ERBB4: variants seen among roughly 807,000 people sequenced by gnomAD.
ERBB4 encodes the protein receptor tyrosine-protein kinase erbB-4.
In ERBB4, 42 loss-of-function variants were observed where a neutral mutation model predicts 158.0. The observed-to-expected ratio is 0.27, with a 90% CI of 0.21 to 0.34. The LOEUF is 0.34. Among genes scored for constraint, ERBB4 ranks in the 10% least tolerant of loss-of-function variants. ERBB4 has a pLI of 1.00. For missense variants in ERBB4, 1,333 were observed against 1,624.1 expected (o/e 0.82, Z 3.08); for synonymous variants, 583 against 558.7 (o/e 1.04, Z -0.61).
intron 1 of ERBB4, among the ~76,000 whole-genome samples, chr2:212,198,437 C>A (rs1382286046): frequency 6.6e-6 from 1 of 152,142 alleles, no homozygotes. Context: ...CTAGACTATT[C>A]CAGGTAACCT....
intron 8 of ERBB4, among the ~76,000 whole-genome samples, chr2:211,713,274 A>G (rs2073772140): frequency 6.6e-6 from 1 of 152,206 alleles, no homozygotes; most frequent in Admixed American, 6.5e-5. Flanking sequence ...ACAGAGTAAC[A>G]GGCAACTTTA....
chr2:211,557,462 C>T (rs551847915), intron 20 of ERBB4, among the ~76,000 whole-genome samples: 1 of 152,046 alleles, frequency 6.6e-6, no homozygotes, highest in East Asian at 1.9e-4. Flanking sequence ...AGGACATGAA[C>T]AGACACTTTT....
intron 2 of ERBB4, among the ~76,000 whole-genome samples, chr2:212,075,495 A>G (rs1370064282): frequency 6.6e-6 from 1 of 151,954 alleles, no homozygotes; most frequent in East Asian, 1.9e-4. Context: ...ACTGCATATT[A>G]GCCTTCATCT....
intron 4 of ERBB4, among the ~76,000 whole-genome samples, chr2:211,767,435 A>G (rs1394297573): frequency 1.3e-5 from 2 of 152,196 alleles, no homozygotes; most frequent in Non-Finnish European, 2.9e-5. Flanking sequence ...GGTGCTTATT[A>G]TTTGACTCAA....
intron 2 of ERBB4, among the ~76,000 whole-genome samples, chr2:211,981,028 T>C (rs966101776): frequency 7.0e-6 from 1 of 143,078 alleles, no homozygotes; most frequent in African/African-American, 2.4e-5. Flanking sequence ...CAATGCTTTC[T>C]TAAAGAATGT....
chr2:212,462,146 GAC>G (rs1688609538), intron 1 of ERBB4, among the ~76,000 whole-genome samples: 1 of 150,880 alleles, frequency 6.6e-6, no homozygotes, highest in African/African-American at 2.4e-5. Context: ...CCAAAACAAT[GAC>G]ACTACTAGAA....
At chr2:212,462,501 A>G (rs925111830) in intron 1 of ERBB4, among the ~76,000 whole-genome samples, 1 of 152,210 alleles carries the variant, frequency 6.6e-6, no homozygotes, top group Non-Finnish European at 1.5e-5. Flanking sequence ...GCATATAAAT[A>G]TGTTCAATAT....
Position 211,745,615 on chromosome 2 carries a change from A to C in ERBB4, c.622+5024T>G, listed in dbSNP as rs148216402. Reference sequence around the variant, plus strand: ...ACAGTATCCTTTCCAGTTTATTATAATATCGGCTATTATTGATTGGGTTTT... The same window carrying C: ...ACAGTATCCTTTCCAGTTTATTATACTATCGGCTATTATTGATTGGGTTTT... On this transcript the variant is annotated intron_variant, in intron 5 of 27. Transcript: ENST00000342788. Among the ~76,000 whole-genome samples the C allele has an allele frequency of 3.3e-3, 509 of 152,104 alleles. 5 individuals carry two copies. Among genetic ancestry groups the C allele is most frequent in the African/African-American group, 0.012 (484 of 41,514 alleles).
At chr2:212,526,544 C>T (rs1052614506) in intron 1 of ERBB4, among the ~76,000 whole-genome samples, 2 of 151,948 alleles carry the variant, frequency 1.3e-5, no homozygotes, top group African/African-American at 4.8e-5. Context: ...GGACAATGGG[C>T]TGCTAAATTT....
At chr2:212,017,830 C>G (rs2076562444) in intron 2 of ERBB4, among the ~76,000 whole-genome samples, 1 of 152,138 alleles carries the variant, frequency 6.6e-6, no homozygotes, top group African/African-American at 2.4e-5. Context: ...TACTACTAAT[C>G]TCTAATGAGT....
At chr2:211,796,092 T>G (rs1395524601) in intron 3 of ERBB4, among the ~76,000 whole-genome samples, 1 of 151,880 alleles carries the variant, frequency 6.6e-6, no homozygotes, top group Non-Finnish European at 1.5e-5. Context: ...TGAACACACT[T>G]ATGTAACCAG....
chr2:211,469,091 G>A (rs2064770154), intron 20 of ERBB4, among the ~76,000 whole-genome samples: 1 of 152,004 alleles, frequency 6.6e-6, no homozygotes, highest in African/African-American at 2.4e-5. Flanking sequence ...AGACCAAACA[G>A]AGCTGGAAGG....
At chr2:211,481,798 C>T (rs912801165) in intron 20 of ERBB4, among the ~76,000 whole-genome samples, 1 of 152,016 alleles carries the variant, frequency 6.6e-6, no homozygotes, top group African/African-American at 2.4e-5. Flanking sequence ...TGAATAAAAT[C>T]CACCATAGTT....
chr2:211,795,640 G>A (rs947670827), intron 3 of ERBB4, among the ~76,000 whole-genome samples: 17 of 151,748 alleles, frequency 1.1e-4, no homozygotes, highest in African/African-American at 4.1e-4. Context: ...CAATACAAGA[G>A]GAGTTTCCAA....
chr2:212,217,337 C>A (rs1189166456), intron 1 of ERBB4, among the ~76,000 whole-genome samples: 2 of 151,280 alleles, frequency 1.3e-5, no homozygotes, highest in African/African-American at 4.8e-5. Flanking sequence ...AACATCTTTG[C>A]AAGTTCAAAT....
At position 211,478,480 on chromosome 2, in the gene ERBB4, T is replaced by C. The variant is rs575272357; in HGVS notation, c.2488-47380A>G. 2.0e-5 allele frequency among the ~76,000 whole-genome samples: 3 copies of C among 152,284 alleles called. No individual in the cohort carries two copies. The South Asian group carries it at 6.2e-4, about 32-fold the overall frequency. On this transcript the variant is annotated intron_variant, in intron 20 of 27. Coordinates refer to ENST00000342788, the MANE Select transcript of ERBB4 (RefSeq NM_005235.3). ...TCTCACTGTCTCTTCATAACATCCCTGTCTCTCTTCATTGTACAATTTACA... is the reference window on the plus strand; with the variant it reads ...TCTCACTGTCTCTTCATAACATCCCCGTCTCTCTTCATTGTACAATTTACA...
intron 2 of ERBB4, among the ~76,000 whole-genome samples, chr2:212,065,713 C>G (rs1224834596): frequency 2.0e-5 from 3 of 151,886 alleles, no homozygotes; most frequent in Admixed American, 2.0e-4. Context: ...CATTAAGATC[C>G]CTCTGGGATA....
chr2:211,457,616 G>A (rs925718802), intron 20 of ERBB4, among the ~76,000 whole-genome samples: 1 of 152,178 alleles, frequency 6.6e-6, no homozygotes, highest in Admixed American at 6.5e-5. Flanking sequence ...CTTGAATTTT[G>A]CACAGGGAGA....
intron 1 of ERBB4, among the ~76,000 whole-genome samples, chr2:212,491,091 G>T (rs1177378220): frequency 6.6e-6 from 1 of 151,304 alleles, no homozygotes; most frequent in Admixed American, 6.6e-5. Flanking sequence ...AGGTATTCTA[G>T]CATCTGAGGC....
Sources: allele counts gnomAD v4.1 joint callset (sites outside exome capture counted in the v4.1 genomes callset), GRCh38; gene constraint gnomAD v4.1.1; transcripts MANE v1.5; gene names NCBI Gene and HGNC (gene_info 2026-07-23, HGNC 2026-07-21).